Variants in WDPCP observed in about 807,000 individuals in gnomAD.
WDPCP encodes WD repeat-containing and planar cell polarity effector protein fritz homolog.
WDPCP carries 71 observed loss-of-function variants against 93.1 expected under a neutral mutation model. That is an observed-to-expected ratio of 0.76 (90% CI 0.63 to 0.93). The LOEUF (loss-of-function observed/expected upper bound fraction) is 0.93, where lower values mean the gene tolerates loss of function less well. WDPCP is among the 40% of genes least tolerant of loss of function. The pLI is 0.00. For missense variants in WDPCP, 844 were observed against 887.4 expected, an observed-to-expected ratio of 0.95 and a Z score of 0.62; for synonymous variants, 315 against 315.0, an observed-to-expected ratio of 1.00 and a Z score of 0.00.
intron 1 of WDPCP, among the ~76,000 whole-genome samples, chr2:63,526,142 G>GA (rs1441010551): frequency 6.6e-6 from 1 of 151,936 alleles, no homozygotes; most frequent in Non-Finnish European, 1.5e-5. Flanking sequence ...GAGGAACTGA[G>GA]AAAAAAAGCC....
chr2:63,217,708 G>C (rs1677469558), intron 14 of WDPCP, among the ~76,000 whole-genome samples: 1 of 152,184 alleles, frequency 6.6e-6, no homozygotes, highest in African/African-American at 2.4e-5. Flanking sequence ...TAATGGACCA[G>C]TGCACACATT....
chr2:63,770,935 C>T (rs2103945105), intron 2 of WDPCP, among the ~76,000 whole-genome samples: 1 of 151,950 alleles, frequency 6.6e-6, no homozygotes, highest in Admixed American at 6.6e-5. Context: ...TTGAGATAAA[C>T]ATTTTATCTC....
chr2:63,398,774 A>G (rs954543061), intron 10 of WDPCP, among the ~76,000 whole-genome samples: 1 of 152,192 alleles, frequency 6.6e-6, no homozygotes, highest in East Asian at 1.9e-4. Flanking sequence ...CTGAAAAAAA[A>G]AAAAATCTCA....
intron 1 of WDPCP, among the ~76,000 whole-genome samples, chr2:63,501,303 T>A (rs1701532387): frequency 6.6e-6 from 1 of 152,150 alleles, no homozygotes; most frequent in African/African-American, 2.4e-5. Context: ...GAGGCTTACA[T>A]CTATAATCCA....
chr2:63,310,049 C>A (rs1686061105), intron 13 of WDPCP, among the ~76,000 whole-genome samples: 1 of 152,002 alleles, frequency 6.6e-6, no homozygotes, highest in Admixed American at 6.6e-5. Context: ...AATGTATAAA[C>A]AATGTAAAGT....
chr2:63,526,364 C>A (rs2106195922), intron 1 of WDPCP, among the ~76,000 whole-genome samples: 1 of 152,248 alleles, frequency 6.6e-6, no homozygotes, highest in East Asian at 1.9e-4. Flanking sequence ...TCATTCTCCT[C>A]TATTTTAAAA....
At chr2:63,221,099 T>C (rs2104481482) in intron 14 of WDPCP, among the ~76,000 whole-genome samples, 1 of 152,240 alleles carries the variant, frequency 6.6e-6, no homozygotes, top group Non-Finnish European at 1.5e-5. Context: ...ATCCAGTCTA[T>C]CATTGATGGG....
chr2:63,838,081 C>A, the WDPCP span, among the ~76,000 whole-genome samples: 4 of 150,716 alleles, frequency 2.7e-5, no homozygotes, highest in African/African-American at 9.8e-5. Flanking sequence ...GGTGACAGAG[C>A]GAAACTCTAT....
chr2:63,239,477 T>C (rs1309583439), intron 14 of WDPCP, among the ~76,000 whole-genome samples: 1 of 152,180 alleles, frequency 6.6e-6, no homozygotes, highest in African/African-American at 2.4e-5. Flanking sequence ...TAAAACAAGA[T>C]ACATGATTGT....
intron 8 of WDPCP, 152 bp downstream of exon 8, chr2:63,437,269 C>A: frequency 1.6e-6 from 1 of 645,094 alleles, no homozygotes; most frequent in African/African-American, 1.9e-5. Context: ...AGGATGGCCA[C>A]TGTTTACAGT....
At chr2:63,591,704 C>T (rs922776932), upstream of WDPCP, among the ~76,000 whole-genome samples, 4 of 152,186 alleles carry the variant, frequency 2.6e-5, no homozygotes, top group African/African-American at 9.7e-5. Flanking sequence ...AATGCAAATC[C>T]ATATCAAAGA....
At chr2:63,455,429 T>TAC (rs1340632143) in intron 6 of WDPCP, among the ~76,000 whole-genome samples, 1,926 of 149,102 alleles carry the variant, frequency 0.013, 44 homozygotes, top group African/African-American at 0.046. Flanking sequence ...TATATATATA[T>TAC]ATATATATAT....
chr2:63,329,533 C>T (rs1687826914), intron 12 of WDPCP, among the ~76,000 whole-genome samples: 1 of 152,004 alleles, frequency 6.6e-6, no homozygotes, highest in African/African-American at 2.4e-5. Context: ...TTGACTAATC[C>T]TCACAGAACT....
At chr2:63,204,784 T>TC (rs1676205865) in intron 14 of WDPCP, among the ~76,000 whole-genome samples, 1 of 152,184 alleles carries the variant, frequency 6.6e-6, no homozygotes, top group Non-Finnish European at 1.5e-5. Flanking sequence ...TGCGGTATTT[T>TC]CCCCCATTCT....
chr2:63,235,646 C>A (rs1679324366), intron 14 of WDPCP, among the ~76,000 whole-genome samples: 1 of 152,088 alleles, frequency 6.6e-6, no homozygotes, highest in Admixed American at 6.6e-5. Context: ...AAAGTCAATT[C>A]ACCATGATCA....
chr2:63,334,203 A>C (rs1688187870), intron 12 of WDPCP, among the ~76,000 whole-genome samples: 1 of 152,210 alleles, frequency 6.6e-6, no homozygotes, highest in African/African-American at 2.4e-5. Context: ...GGAATGTATT[A>C]TAGCTTTCAG....
chr2:63,166,468 G>A (rs866093060), intron 15 of WDPCP, among the ~76,000 whole-genome samples: 4 of 152,048 alleles, frequency 2.6e-5, no homozygotes, highest in Non-Finnish European at 4.4e-5. Context: ...GTGCAGGGGC[G>A]CGATCAGCTC....
chr2:63,259,776 C>T (rs950882576), intron 13 of WDPCP, among the ~76,000 whole-genome samples: 4 of 152,002 alleles, frequency 2.6e-5, no homozygotes, highest in Admixed American at 1.3e-4. Flanking sequence ...ATGCTAAGCA[C>T]GATACAAGGG....
intron 2 of WDPCP, among the ~76,000 whole-genome samples, chr2:63,736,505 C>T (rs1669642019): frequency 6.6e-6 from 1 of 152,000 alleles, no homozygotes; most frequent in African/African-American, 2.4e-5. Context: ...TAATACCAAA[C>T]TTTTTTTTAT....
Sources: allele counts gnomAD v4.1 joint callset (sites outside exome capture counted in the v4.1 genomes callset), GRCh38; gene constraint gnomAD v4.1.1; transcripts MANE v1.5; gene names NCBI Gene and HGNC (gene_info 2026-07-23, HGNC 2026-07-21).